The following COL5A1 variants were observed in gnomAD, a reference collection of about 807,000 sequenced individuals.
COL5A1 encodes the protein collagen type V alpha 1 chain.
A neutral mutation model predicts 263.7 loss-of-function variants in COL5A1; 16 were observed. The observed-to-expected ratio is 0.06, with a 90% CI of 0.04 to 0.09. COL5A1 has a LOEUF of 0.09. Among genes scored for constraint, COL5A1 ranks in the 10% least tolerant of loss-of-function variants. COL5A1 has a pLI of 1.00. For synonymous variants in COL5A1, 1,012 were observed against 1,004.5 expected (o/e 1.01, Z -0.14); for missense variants, 2,036 against 2,540.5 (o/e 0.80, Z 4.27).
intron 57 of COL5A1, 45 bp from the exon 58 acceptor site, chr9:134,820,071 G>T: frequency 6.8e-7 from 1 of 1,463,064 alleles, no homozygotes; most frequent in South Asian, 1.1e-5. Flanking sequence ...CGAGCATGAG[G>T]CGTGGCTCCC....
chr9:134,785,443 C>A (rs1164420113), intron 30 of COL5A1, among the ~76,000 whole-genome samples: 1 of 152,222 alleles, frequency 6.6e-6, no homozygotes, highest in Non-Finnish European at 1.5e-5. Flanking sequence ...GGTGTCCCCA[C>A]CATGGCCTGA....
intron 14 of COL5A1, 146 bp from the exon 15 acceptor site, chr9:134,753,704 G>A (rs897201716): frequency 5.3e-5 from 36 of 678,174 alleles, no homozygotes; most frequent in Non-Finnish European, 7.9e-5. Flanking sequence ...GGTTCTGTTC[G>A]AGGCAGACAG....
chr9:134,836,828 G>A (rs950576228), intron 65 of COL5A1, among the ~76,000 whole-genome samples: 1 of 152,220 alleles, frequency 6.6e-6, no homozygotes, highest in Non-Finnish European at 1.5e-5. Flanking sequence ...AGCGGGGGCC[G>A]CCCTCACCAG....
At chr9:134,660,592 G>T (rs1480001285) in intron 1 of COL5A1, among the ~76,000 whole-genome samples, 1 of 152,182 alleles carries the variant, frequency 6.6e-6, no homozygotes, top group Non-Finnish European at 1.5e-5. Flanking sequence ...TGGGAGTGGT[G>T]CCCCTGGAGG....
At chr9:134,834,114 G>A (rs796559059) in intron 64 of COL5A1, among the ~76,000 whole-genome samples, 2 of 152,160 alleles carry the variant, frequency 1.3e-5, no homozygotes, top group Admixed American at 1.3e-4. Flanking sequence ...AGGGAGAAGT[G>A]TGGTGCAGCT....
chr9:134,659,246 G>A (rs140708040), intron 1 of COL5A1, among the ~76,000 whole-genome samples: 4,244 of 152,214 alleles, frequency 0.028, 201 homozygotes, highest in African/African-American at 0.097. Context: ...AAACTTAGCC[G>A]GGCGTGATGG....
chr9:134,721,027 C>T (rs1336746827), intron 4 of COL5A1, among the ~76,000 whole-genome samples: 3 of 152,134 alleles, frequency 2.0e-5, no homozygotes, highest in Non-Finnish European at 2.9e-5. Context: ...CTGGGGATCC[C>T]AGGGTTCCGC....
At chr9:134,784,823 T>G (rs1837392847) in intron 29 of COL5A1, among the ~76,000 whole-genome samples, 166 bp from the exon 30 acceptor site, 1 of 152,248 alleles carries the variant, frequency 6.6e-6, no homozygotes, top group Non-Finnish European at 1.5e-5. Flanking sequence ...GCTTTGTCAG[T>G]GGCTCCGGGA....
At chr9:134,750,907 G>A in intron 13 of COL5A1, 25 bp downstream of exon 13, 1 of 1,598,400 alleles carries the variant, frequency 6.3e-7, no homozygotes, top group South Asian at 1.1e-5. Flanking sequence ...GTCCCAAGAG[G>A]CCTGAAGGGG....
chr9:134,825,738 C>G (rs1450357725), intron 62 of COL5A1, 54 bp from the exon 63 acceptor site: 1 of 1,214,242 alleles, frequency 8.2e-7, no homozygotes, highest in African/African-American at 1.5e-5. Context: ...CGGAACCATC[C>G]AGGGAGCAAT....
intron 64 of COL5A1, 177 bp downstream of exon 64, chr9:134,830,221 C>T (rs533248255): frequency 1.2e-4 from 186 of 1,568,814 alleles, no homozygotes; most frequent in African/African-American, 2.7e-4. Flanking sequence ...TGCCTGCTTG[C>T]GGCACGGCTG....
chr9:134,798,275 G>T lies in COL5A1; in HGVS notation c.2899-133G>T, dbSNP rs1837987932. 1.1e-5 allele frequency: 9 copies of T among 818,964 alleles called. No individual in the cohort carries two copies. In the East Asian group the frequency reaches 2.4e-4, roughly 22 times the overall value. The allele number at this position is 818,964 out of a possible 1,614,324, so 50.7% of individuals were successfully genotyped here. A position where few individuals can be genotyped will look rare whatever the true frequency, so the allele number is the denominator to read the frequency against. ...TTGTCACTGTCCCCGTGCCTGCCAG[G>T]TGATTGCTTTTCTCAGAGGATGTGC... On this transcript the variant is annotated intron_variant, in intron 36 of 65. Coordinates refer to ENST00000371817, the MANE Select transcript of COL5A1 (RefSeq NM_000093.5).
At position 134,812,644 on chromosome 9, in the gene COL5A1, G is replaced by A. The variant is rs1211791316; in HGVS notation, c.3784G>A (p.Ala1262Thr). The A allele has an allele frequency of 6.3e-7, 1 of 1,598,878 alleles. No homozygotes were observed. The highest frequency in any genetic ancestry group is 1.8e-5 in the Admixed American group (1 of 56,842). ...GPPGPRGPSGAPGADGPQGPP... is the reference protein window; with the variant it reads ...GPPGPRGPSGTPGADGPQGPP... The stretch of plus-strand genomic sequence containing the variant: ...CCCTGGCCCCCGAGGACCCTCCGGA[G>A]CTCCAGGTGCTGATGGCCCACAAGG... The change falls in exon 48 of 66, where the codon GCT (alanine) becomes ACT (threonine). Residue 1262 changes from alanine to threonine, a missense_variant. By Grantham distance (58) the Ala-to-Thr change is moderately conservative. Transcript: ENST00000371817.
At chr9:134,670,226 C>T (rs1332891024) in intron 1 of COL5A1, among the ~76,000 whole-genome samples, 1 of 152,210 alleles carries the variant, frequency 6.6e-6, no homozygotes, top group African/African-American at 2.4e-5. Flanking sequence ...TTATAAATGA[C>T]ACTTGGATGA....
rs1424194386 is a variant in COL5A1, at chr9:134,727,392, G to C, written c.781G>C (p.Glu261Gln). 4.3e-6 allele frequency: 7 copies of C among 1,614,024 alleles called. No individual in the cohort carries two copies. Among genetic ancestry groups the C allele is most frequent in the African/African-American group, 4.0e-5 (3 of 74,920 alleles). The change falls in exon 5 of 66, where the codon GAA (glutamate) becomes CAA (glutamine). Residue 261 changes from glutamate (E) to glutamine (Q), a missense_variant. Around this residue, in one of 3 missense-constraint regions of COL5A1, gnomAD observed 600 missense variants for 634.5 expected, o/e 0.95. Coordinates refer to ENST00000371817, the MANE Select transcript of COL5A1 (RefSeq NM_000093.5). ...TPQSQDPNPD[E>Q]YYTEGDGEGE... ...ACAGTCGCAGGACCCCAATCCAGATGAATATGTGAGTTAACTCTGGCTGGG... is the reference window on the plus strand; with the variant it reads ...ACAGTCGCAGGACCCCAATCCAGATCAATATGTGAGTTAACTCTGGCTGGG...
At chr9:134,695,438 C>T (rs769052682) in intron 2 of COL5A1, among the ~76,000 whole-genome samples, 30 of 152,206 alleles carry the variant, frequency 2.0e-4, no homozygotes, top group Non-Finnish European at 3.5e-4. Flanking sequence ...CACAGGATTG[C>T]GCTGAGTGCT....
chr9:134,725,032 G>A (rs1382337814), intron 4 of COL5A1, among the ~76,000 whole-genome samples: 1 of 152,212 alleles, frequency 6.6e-6, no homozygotes, highest in South Asian at 2.1e-4. Flanking sequence ...GGCAAGATGA[G>A]CTCCAGACCC....
At chr9:134,704,549 G>A (rs1418679982) in intron 4 of COL5A1, among the ~76,000 whole-genome samples, 2 of 152,166 alleles carry the variant, frequency 1.3e-5, no homozygotes, top group African/African-American at 2.4e-5. Context: ...GTCACAGATA[G>A]GTTCCGAATT....
Position 134,796,843 on chromosome 9 carries a change from C to A in COL5A1, c.2845-5C>A. On this transcript the variant is annotated splice_region_variant and splice_polypyrimidine_tract_variant and intron_variant, in intron 35 of 65. Transcript: ENST00000371817. ...GTCCTCAAACTGGCCTTTCTCTGTTCCCAGGGACCCAATGGACCCCAAGGA... is the reference window on the plus strand; with the variant it reads ...GTCCTCAAACTGGCCTTTCTCTGTTACCAGGGACCCAATGGACCCCAAGGA... 1 of 1,614,106 alleles carries A rather than the reference C, an allele frequency of 6.2e-7. No homozygotes were observed. The highest frequency in any genetic ancestry group is 8.5e-7 in the Non-Finnish European group (1 of 1,179,916).
Sources: allele counts gnomAD v4.1 joint callset (sites outside exome capture counted in the v4.1 genomes callset), GRCh38; gene constraint gnomAD v4.1.1; regional missense constraint gnomAD v4.1.1; transcripts MANE v1.5; gene names NCBI Gene and HGNC (gene_info 2026-07-23, HGNC 2026-07-21).